GSN: variants seen among roughly 807,000 people sequenced by gnomAD.
The protein encoded by GSN is gelsolin, also known as actin-depolymerizing factor.
GSN carries 56 observed loss-of-function variants against 85.7 expected under a neutral mutation model. That is an observed-to-expected ratio of 0.65 (90% CI 0.53 to 0.82). The LOEUF (loss-of-function observed/expected upper bound fraction) is 0.82. Ranked by LOEUF, GSN falls within the 40% of genes least tolerant of loss-of-function variation. The probability of loss-of-function intolerance (pLI) is 0.00; values close to 1 mark genes in which losing one functional copy is unlikely to be tolerated. For missense variants in GSN, 857 were observed against 979.8 expected (o/e 0.87, Z 1.67); for synonymous variants, 373 against 399.1 (o/e 0.93, Z 0.78).
chr9:121,326,371 CTG>C, intron 12 of GSN, 139 bp from the exon 13 acceptor site: 2 of 740,312 alleles, frequency 2.7e-6, no homozygotes, highest in Non-Finnish European at 2.4e-6. Flanking sequence ...GTGTCCCTGC[CTG>C]TGTGTTGTCG....
At chr9:121,307,272 T>A (rs1432409101) in intron 4 of GSN, among the ~76,000 whole-genome samples, 1 of 152,120 alleles carries the variant, frequency 6.6e-6, no homozygotes, top group East Asian at 1.9e-4. Context: ...TTTTAAAAAA[T>A]AGGGTAAAGA....
intron 5 of GSN, chr9:121,311,760 T>C (rs2061176728): frequency 1.3e-5 from 2 of 152,846 alleles, no homozygotes; most frequent in Non-Finnish European, 2.9e-5. Flanking sequence ...GATGCATCCG[T>C]ATTGTTGCAT....
At chr9:121,224,064 AG>A (rs1215695451) in intron 4 of GSN, among the ~76,000 whole-genome samples, 1 of 152,096 alleles carries the variant, frequency 6.6e-6, no homozygotes, top group African/African-American at 2.4e-5. Context: ...GTTAAAAAAA[AG>A]GTATATCGGT....
chr9:121,209,905 G>GA (rs2053943031), intron 2 of GSN, among the ~76,000 whole-genome samples: 1 of 152,186 alleles, frequency 6.6e-6, no homozygotes, highest in Non-Finnish European at 1.5e-5. Context: ...TGAAGAATGA[G>GA]AAACAGGCCT....
intron 4 of GSN, chr9:121,222,807 A>G (rs1427298620): frequency 6.6e-6 from 1 of 152,216 alleles, no homozygotes; most frequent in East Asian, 1.9e-4. Context: ...TTTCTAGAGC[A>G]GGAACCAAAG....
intron 2 of GSN, chr9:121,286,707 G>A (rs1242858120): frequency 2.0e-6 from 3 of 1,535,372 alleles, no homozygotes; most frequent in East Asian, 2.4e-5. Flanking sequence ...AGCCACTGTG[G>A]CCATCATTCT....
chr9:121,209,044 A>G (rs2053927590), intron 1 of GSN, among the ~76,000 whole-genome samples: 1 of 152,262 alleles, frequency 6.6e-6, no homozygotes, highest in South Asian at 2.1e-4. Context: ...AAGTTGAGAT[A>G]TCAACAAAAA....
At chr9:121,219,306 C>T (rs893599032) in intron 4 of GSN, among the ~76,000 whole-genome samples, 1 of 151,250 alleles carries the variant, frequency 6.6e-6, no homozygotes, top group African/African-American at 2.4e-5. Context: ...CCATGTTGCC[C>T]AGGCTGGTCT....
intron 2 of GSN, among the ~76,000 whole-genome samples, chr9:121,298,075 C>T (rs532441426): frequency 1.4e-4 from 22 of 152,228 alleles, no homozygotes; most frequent in African/African-American, 4.8e-4. Context: ...GACTTGGAGC[C>T]CGGAGAACTC....
At chr9:121,251,075 C>G (rs1006354598) in intron 6 of GSN, among the ~76,000 whole-genome samples, 1 of 151,792 alleles carries the variant, frequency 6.6e-6, no homozygotes, top group Admixed American at 6.6e-5. Context: ...ATCCTCCTGC[C>G]GCGGCATCCC....
At chr9:121,304,322 C>T (rs557019186) in intron 4 of GSN, among the ~76,000 whole-genome samples, 119 of 152,382 alleles carry the variant, frequency 7.8e-4, no homozygotes, top group African/African-American at 2.6e-3. Context: ...GCACTGAGCT[C>T]CTCCTGCTGA....
At chr9:121,263,751 G>A (rs775985570), upstream of GSN, among the ~76,000 whole-genome samples, 4 of 152,032 alleles carry the variant, frequency 2.6e-5, no homozygotes, top group Non-Finnish European at 5.9e-5. Flanking sequence ...TTAGCCGGGC[G>A]TTGTTGCGGG....
At chr9:121,212,976 G>C (rs145425131) in intron 4 of GSN, among the ~76,000 whole-genome samples, 1 of 151,920 alleles carries the variant, frequency 6.6e-6, no homozygotes, top group Non-Finnish European at 1.5e-5. Context: ...TCTTTTTCCC[G>C]TCCAGAGATT....
At chr9:121,211,790 G>A (rs773000622) in intron 4 of GSN, among the ~76,000 whole-genome samples, 3 of 151,906 alleles carry the variant, frequency 2.0e-5, no homozygotes, top group Non-Finnish European at 4.4e-5. Flanking sequence ...CTCCTCTTCC[G>A]TTCTCTCCCA....
rs371171301 is a variant in GSN, at chr9:121,318,790, G to A, written c.1101G>A (p.Glu367=). The A allele has an allele frequency of 1.4e-4, 232 of 1,614,046 alleles. No homozygotes were observed. Among genetic ancestry groups the A allele is most frequent in the Non-Finnish European group, 1.9e-4 (229 of 1,180,036 alleles). ...TTTCCAGCCATATCGCCAACGTGGA[G>A]CGGGTGCCCTTCGACGCCGCCACCC... ...SYLSSHIANV[E]RVPFDAATLH... Residue 367 remains glutamate (E), a synonymous_variant, in exon 10 of 18, where the codon GAG becomes GAA. Transcript: ENST00000432226. This position sits in a 1 kb window ranked among gnomAD's most constrained non-coding sequence, Gnocchi z 4.3.
At chr9:121,258,556 T>A (rs1233265524) in intron 6 of GSN, among the ~76,000 whole-genome samples, 1 of 152,186 alleles carries the variant, frequency 6.6e-6, no homozygotes, top group African/African-American at 2.4e-5. Context: ...TGATATCTGA[T>A]ACAAATCTAG....
chr9:121,201,894 C>T, the GSN span: 2 of 152,594 alleles, frequency 1.3e-5, no homozygotes, highest in African/African-American at 4.8e-5. Flanking sequence ...CACAGGGTTT[C>T]CTGTCACCCT....
Position 121,299,394 on chromosome 9 carries a change from C to T in GSN, c.-9-2569C>T. 1.0e-6 allele frequency: 1 copy of T among 972,828 alleles called. No homozygotes were observed. Among genetic ancestry groups the T allele is most frequent in the Middle Eastern group, 5.3e-4 (1 of 1,900 alleles). The allele number at this position is 972,828 out of a possible 1,614,324, so 60.3% of individuals were successfully genotyped here. A position where few individuals can be genotyped will look rare whatever the true frequency, so the allele number is the denominator to read the frequency against. On this transcript the variant is annotated intron_variant, in intron 2 of 17. Coordinates refer to ENST00000432226, the MANE Select transcript of GSN (RefSeq NM_198252.3). The surrounding 1 kb of genome is among the most constrained non-coding windows in gnomAD (Gnocchi z 4.2). Reference sequence around the variant, plus strand: ...ACAAGCTGTGTGCAAGTTGCTTCACCACTCTGCGCTGTTCCCCCCTCTGTA... The same window carrying T: ...ACAAGCTGTGTGCAAGTTGCTTCACTACTCTGCGCTGTTCCCCCCTCTGTA...
chr9:121,257,847 G>A (rs1428534100), intron 6 of GSN, among the ~76,000 whole-genome samples: 1 of 152,048 alleles, frequency 6.6e-6, no homozygotes, highest in Admixed American at 6.6e-5. Flanking sequence ...CTCCAGCCTG[G>A]GTAACAGAGT....
Sources: gnomAD v4.1 joint callset for allele counts (sites outside exome capture counted in the v4.1 genomes callset) on GRCh38, gnomAD v4.1.1 for gene constraint, Gnocchi (gnomAD v3.1) non-coding constraint, MANE v1.5 for transcripts, NCBI Gene and HGNC (gene_info 2026-07-23, HGNC 2026-07-21) for gene names.